Variants in SGCZ observed in about 807,000 individuals in gnomAD.
SGCZ encodes sarcoglycan zeta.
SGCZ carries 40 observed loss-of-function variants against 41.3 expected under a neutral mutation model. The ratio of observed to expected loss-of-function variants is 0.97; its 90% CI spans 0.75 to 1.26. The LOEUF (loss-of-function observed/expected upper bound fraction) is 1.26, where lower values mean the gene tolerates loss of function less well. Ranked by LOEUF, SGCZ falls within the 50% of genes most tolerant of loss-of-function variation. SGCZ has a pLI of 0.00. For synonymous variants in SGCZ, 206 were observed against 137.5 expected, an observed-to-expected ratio of 1.50 and a Z score of -3.49; for missense variants, 552 against 369.8, an observed-to-expected ratio of 1.49 and a Z score of -4.04.
At chr8:15,146,503 T>G (rs1406525957) in intron 1 of SGCZ, among the ~76,000 whole-genome samples, 1 of 152,152 alleles carries the variant, frequency 6.6e-6, no homozygotes, top group Admixed American at 6.5e-5. Context: ...GCCCCGTGAG[T>G]AGATGGGACT....
chr8:15,076,846 GA>G (rs1344471165), intron 1 of SGCZ, among the ~76,000 whole-genome samples: 2 of 149,682 alleles, frequency 1.3e-5, no homozygotes, highest in African/African-American at 4.9e-5. Flanking sequence ...GTCTCAAAGA[GA>G]GGGAAAAAAA....
chr8:14,145,185 C>G (rs1585175921), intron 5 of SGCZ, among the ~76,000 whole-genome samples: 1 of 152,106 alleles, frequency 6.6e-6, no homozygotes, highest in Admixed American at 6.5e-5. Context: ...GTGGTAGGGG[C>G]CACAGGGGTG....
At chr8:14,939,279 T>C (rs1449151906) in intron 1 of SGCZ, among the ~76,000 whole-genome samples, 1 of 152,150 alleles carries the variant, frequency 6.6e-6, no homozygotes, top group Non-Finnish European at 1.5e-5. Flanking sequence ...CTAAAGACAC[T>C]CTGTGTCTCC....
At chr8:14,976,373 T>C (rs554570141) in intron 1 of SGCZ, among the ~76,000 whole-genome samples, 1 of 152,266 alleles carries the variant, frequency 6.6e-6, no homozygotes, top group South Asian at 2.1e-4. Context: ...GTGACACTTT[T>C]TAGAAACTGA....
At chr8:14,271,799 G>A (rs1003162334) in intron 3 of SGCZ, among the ~76,000 whole-genome samples, 1 of 152,164 alleles carries the variant, frequency 6.6e-6, no homozygotes, top group Admixed American at 6.6e-5. Flanking sequence ...CTACTGTAAG[G>A]CATTTTTGCT....
chr8:14,978,406 G>C (rs1316964220), intron 1 of SGCZ, among the ~76,000 whole-genome samples: 1 of 116,442 alleles, frequency 8.6e-6, no homozygotes, highest in Non-Finnish European at 1.6e-5. Context: ...GGGAGGTGGA[G>C]GTTGTAGTGA....
chr8:14,714,541 G>T (rs1209574358), intron 1 of SGCZ, among the ~76,000 whole-genome samples: 3 of 151,888 alleles, frequency 2.0e-5, no homozygotes, highest in African/African-American at 7.3e-5. Flanking sequence ...CTAAAACATT[G>T]TTCTATTAAA....
At chr8:14,445,821 T>G (rs1338956850) in intron 2 of SGCZ, among the ~76,000 whole-genome samples, 2 of 152,122 alleles carry the variant, frequency 1.3e-5, no homozygotes, top group Non-Finnish European at 2.9e-5. Context: ...TCCCTCTGGT[T>G]CTAGCCATGG....
chr8:14,296,358 G>A (rs1392186491), intron 3 of SGCZ, among the ~76,000 whole-genome samples: 1 of 152,132 alleles, frequency 6.6e-6, no homozygotes, highest in East Asian at 1.9e-4. Context: ...TATAGTATAA[G>A]AAATACTGAG....
intron 1 of SGCZ, among the ~76,000 whole-genome samples, chr8:15,031,902 C>CCTCTCTCTCT (rs751690018): frequency 0.029 from 3,796 of 130,602 alleles, 63 homozygotes; most frequent in African/African-American, 0.04. Context: ...CCTCTATATT[C>CCTCTCTCTCT]CTCTCTCTCT....
At chr8:14,257,763 G>A (rs1241619551) in intron 3 of SGCZ, among the ~76,000 whole-genome samples, 3 of 151,924 alleles carry the variant, frequency 2.0e-5, no homozygotes, top group Non-Finnish European at 4.4e-5. Flanking sequence ...ATAGTTTGCT[G>A]AGAATTTTGC....
At chr8:14,254,638 A>G (rs915699835) in intron 3 of SGCZ, among the ~76,000 whole-genome samples, 1 of 152,224 alleles carries the variant, frequency 6.6e-6, no homozygotes, top group Non-Finnish European at 1.5e-5. Flanking sequence ...TTACATTAAG[A>G]ACATTAACAA....
At chr8:14,486,008 A>AT (rs1211957953) in intron 2 of SGCZ, among the ~76,000 whole-genome samples, 15 of 151,944 alleles carry the variant, frequency 9.9e-5, no homozygotes, top group East Asian at 1.9e-4. Context: ...CGCCCGGCTA[A>AT]TTTTTTGTAT....
chr8:14,154,595 A>T (rs182630225), intron 5 of SGCZ, among the ~76,000 whole-genome samples: 1 of 152,182 alleles, frequency 6.6e-6, no homozygotes, highest in African/African-American at 2.4e-5. Flanking sequence ...TCATGTGCAT[A>T]ATTTTTAAAA....
chr8:14,728,760 A>G (rs1024325378), intron 1 of SGCZ, among the ~76,000 whole-genome samples: 6 of 152,212 alleles, frequency 3.9e-5, no homozygotes, highest in African/African-American at 1.4e-4. Flanking sequence ...AAAAGTGACA[A>G]CAGGCTCTAA....
At chr8:14,407,260 G>A (rs1799237607) in intron 2 of SGCZ, among the ~76,000 whole-genome samples, 1 of 151,710 alleles carries the variant, frequency 6.6e-6, no homozygotes. Flanking sequence ...GTAGAGACAG[G>A]GTTTCACCAT....
chr8:14,686,705 T>G (rs960872711), intron 1 of SGCZ, among the ~76,000 whole-genome samples: 1 of 152,054 alleles, frequency 6.6e-6, no homozygotes, highest in Non-Finnish European at 1.5e-5. Context: ...GGATCTAGAC[T>G]ACATCAGGGA....
At chr8:14,963,487 T>C (rs1274945688) in intron 1 of SGCZ, among the ~76,000 whole-genome samples, 2 of 151,998 alleles carry the variant, frequency 1.3e-5, no homozygotes, top group African/African-American at 2.4e-5. Flanking sequence ...TACAGGCGTG[T>C]GCCACCACCC....
chr8:15,083,732 T>G (rs1468830923), intron 1 of SGCZ, among the ~76,000 whole-genome samples: 1 of 151,962 alleles, frequency 6.6e-6, no homozygotes, highest in Admixed American at 6.6e-5. Flanking sequence ...TGGCGTCTGC[T>G]GTTTTTTGGG....
Sources: gnomAD v4.1 joint callset for allele counts (sites outside exome capture counted in the v4.1 genomes callset) on GRCh38, gnomAD v4.1.1 for gene constraint, MANE v1.5 for transcripts, NCBI Gene and HGNC (gene_info 2026-07-23, HGNC 2026-07-21) for gene names.